DOK5: variants seen among roughly 807,000 people sequenced by gnomAD.
DOK5 encodes the protein docking protein 5.
A neutral mutation model predicts 43.3 loss-of-function variants in DOK5; 27 were observed. The ratio of observed to expected loss-of-function variants is 0.62; its 90% CI spans 0.46 to 0.86. The LOEUF (loss-of-function observed/expected upper bound fraction) is 0.86, where lower values mean the gene tolerates loss of function less well. DOK5 is among the 40% of genes least tolerant of loss of function. DOK5 has a pLI of 0.00. For missense variants in DOK5, 373 were observed against 392.9 expected (o/e 0.95, Z 0.43); for synonymous variants, 146 against 140.1 (o/e 1.04, Z -0.30).
At chr20:54,584,418 A>G (rs1985735935) in intron 2 of DOK5, among the ~76,000 whole-genome samples, 1 of 151,648 alleles carries the variant, frequency 6.6e-6, no homozygotes, top group Admixed American at 6.6e-5. Context: ...GATGATAACA[A>G]CTTGACTTCA....
intron 1 of DOK5, among the ~76,000 whole-genome samples, chr20:54,506,842 A>G (rs1982822632): frequency 6.6e-6 from 1 of 152,186 alleles, no homozygotes; most frequent in African/African-American, 2.4e-5. Flanking sequence ...TCATGGGGAG[A>G]TAGAGAAACA....
At chr20:54,638,275 G>A (rs1404405802) in intron 6 of DOK5, among the ~76,000 whole-genome samples, 3 of 152,204 alleles carry the variant, frequency 2.0e-5, no homozygotes, top group African/African-American at 7.2e-5. Flanking sequence ...GACATCAGGA[G>A]AGTATCTAAA....
At chr20:54,583,291 A>T (rs947032266) in intron 2 of DOK5, among the ~76,000 whole-genome samples, 1 of 152,056 alleles carries the variant, frequency 6.6e-6, no homozygotes, top group Non-Finnish European at 1.5e-5. Flanking sequence ...AGATACTTCA[A>T]TTTGTCAAGA....
intron 5 of DOK5, among the ~76,000 whole-genome samples, chr20:54,595,164 AC>A (rs1276626845): frequency 1.3e-5 from 2 of 151,960 alleles, no homozygotes; most frequent in Admixed American, 6.6e-5. Flanking sequence ...ACACGGTGAA[AC>A]CCCATCTCTA....
intron 6 of DOK5, among the ~76,000 whole-genome samples, chr20:54,642,861 G>A (rs1972539792): frequency 6.6e-6 from 1 of 152,186 alleles, no homozygotes; most frequent in African/African-American, 2.4e-5. Context: ...AGATCTCTCT[G>A]CTTTTCTTGG....
chr20:54,593,162 G>A (rs902671726), intron 5 of DOK5, among the ~76,000 whole-genome samples: 12 of 151,840 alleles, frequency 7.9e-5, no homozygotes, highest in Non-Finnish European at 1.8e-4. Flanking sequence ...GATGGCTGAG[G>A]CAGGAGAATG....
chr20:54,503,158 G>A (rs975926678), intron 1 of DOK5, among the ~76,000 whole-genome samples: 3 of 152,094 alleles, frequency 2.0e-5, no homozygotes, highest in African/African-American at 7.2e-5. Flanking sequence ...AATAGAGGTG[G>A]AAAGCAGGCT....
chr20:54,640,942 T>C (rs1979082826), intron 6 of DOK5, among the ~76,000 whole-genome samples: 1 of 152,330 alleles, frequency 6.6e-6, no homozygotes, highest in South Asian at 2.1e-4. Context: ...TAGACTTTCA[T>C]GTATACAGAA....
At chr20:54,596,529 G>C (rs1186572721) in intron 5 of DOK5, among the ~76,000 whole-genome samples, 2 of 152,224 alleles carry the variant, frequency 1.3e-5, no homozygotes, top group East Asian at 3.8e-4. Context: ...GACTGAACTG[G>C]AAGTTGGAGG....
At chr20:54,615,452 A>C (rs571423320) in intron 6 of DOK5, among the ~76,000 whole-genome samples, 7 of 152,116 alleles carry the variant, frequency 4.6e-5, no homozygotes, top group Non-Finnish European at 8.8e-5. Context: ...TCTTCAGAAG[A>C]GGGAAACAAG....
intron 1 of DOK5, among the ~76,000 whole-genome samples, chr20:54,523,345 T>C (rs564741461): frequency 2.6e-5 from 4 of 152,188 alleles, no homozygotes; most frequent in Admixed American, 6.5e-5. Context: ...GGTGGGTAGA[T>C]TGCCTGAGGT....
chr20:54,478,620 C>T (rs1981535745), intron 1 of DOK5, among the ~76,000 whole-genome samples: 1 of 152,194 alleles, frequency 6.6e-6, no homozygotes, highest in Non-Finnish European at 1.5e-5. Flanking sequence ...TGGTAAGCAG[C>T]TGTTCCTGGT....
chr20:54,614,332 A>G (rs950314007), intron 6 of DOK5, among the ~76,000 whole-genome samples: 7 of 152,192 alleles, frequency 4.6e-5, no homozygotes, highest in African/African-American at 1.7e-4. Context: ...GGATGGATGG[A>G]GAGAGACAGA....
At chr20:54,649,744 G>A (rs1482099708) in intron 7 of DOK5, among the ~76,000 whole-genome samples, 2 of 152,196 alleles carry the variant, frequency 1.3e-5, no homozygotes, top group African/African-American at 2.4e-5. Context: ...CATTAATAAA[G>A]CATTATTAGG....
chr20:54,634,435 T>C (rs1484117113), intron 6 of DOK5, among the ~76,000 whole-genome samples: 1 of 137,342 alleles, frequency 7.3e-6, no homozygotes, highest in Non-Finnish European at 1.5e-5. Context: ...CATCATATCA[T>C]GCTTTTTTTT....
At chr20:54,483,924 G>A (rs993787673) in intron 1 of DOK5, among the ~76,000 whole-genome samples, 28 of 152,262 alleles carry the variant, frequency 1.8e-4, no homozygotes, top group Admixed American at 8.5e-4. Context: ...ATTGTTAACT[G>A]GTTGTCTTGT....
intron 6 of DOK5, among the ~76,000 whole-genome samples, chr20:54,615,643 G>A (rs546525758): frequency 7.8e-4 from 119 of 152,300 alleles, no homozygotes; most frequent in African/African-American, 2.6e-3. Flanking sequence ...CTAGCGCAGT[G>A]GCTCATGCCT....
intron 1 of DOK5, among the ~76,000 whole-genome samples, chr20:54,501,842 G>T (rs6023307): frequency 0.21 from 32,133 of 152,114 alleles, 5,786 homozygotes; most frequent in African/African-American, 0.49. Flanking sequence ...AACATTTTTA[G>T]TTCATTTGTT....
chr20:54,496,156 G>T (rs1982383083), intron 1 of DOK5, among the ~76,000 whole-genome samples: 1 of 152,158 alleles, frequency 6.6e-6, no homozygotes, highest in Admixed American at 6.5e-5. Context: ...TAGACTAATT[G>T]CTCTAATATT....
Sources: allele counts gnomAD v4.1 joint callset (sites outside exome capture counted in the v4.1 genomes callset), GRCh38; gene constraint gnomAD v4.1.1; transcripts MANE v1.5; gene names NCBI Gene and HGNC (gene_info 2026-07-23, HGNC 2026-07-21).